CDHR3: variants seen among roughly 807,000 people sequenced by gnomAD.
CDHR3 encodes cadherin related family member 3, also known as cadherin-related family member 3.
A neutral mutation model predicts 86.6 loss-of-function variants in CDHR3; 79 were observed. The ratio of observed to expected loss-of-function variants is 0.91; its 90% confidence interval spans 0.76 to 1.10. The LOEUF is 1.10. Ranked by LOEUF, CDHR3 falls within the 50% of genes least tolerant of loss-of-function variation. The probability of loss-of-function intolerance (pLI) is 0.00; values close to 1 mark genes in which losing one functional copy is unlikely to be tolerated. For missense variants in CDHR3, 1,081 were observed against 1,077.6 expected (o/e 1.00, Z -0.04); for synonymous variants, 421 against 402.4 (o/e 1.05, Z -0.55).
At chr7:106,001,290 G>A (rs1010932953) in intron 6 of CDHR3, among the ~76,000 whole-genome samples, 172 bp from the exon 7 acceptor site, 3 of 152,166 alleles carry the variant, frequency 2.0e-5, no homozygotes, top group Non-Finnish European at 2.9e-5. Context: ...GGTCTTTGGG[G>A]ATACAAAAGC....
At chr7:105,966,694 A>C (rs1826986087) in intron 1 of CDHR3, among the ~76,000 whole-genome samples, 1 of 152,194 alleles carries the variant, frequency 6.6e-6, no homozygotes, top group Non-Finnish European at 1.5e-5. Context: ...TCAGAAGAAC[A>C]AAAGACAGTC....
rs1838749595 is a variant in CDHR3, at chr7:106,034,483, T to A, written c.*1786T>A. On this transcript the variant is annotated 3_prime_UTR_variant, in exon 19 of 19. Coordinates refer to ENST00000317716, the MANE Select transcript of CDHR3 (RefSeq NM_152750.5). The stretch of plus-strand genomic sequence containing the variant: ...CTGTGTGCCTAGTGCCAGTGTCACT[T>A]CTCAAGCAAAAGAAGCATTTGCAAA... Among the ~76,000 whole-genome samples the A allele has an allele frequency of 6.6e-6, 1 of 152,184 alleles. No homozygotes were observed. Among genetic ancestry groups the A allele is most frequent in the Non-Finnish European group, 1.5e-5 (1 of 68,016 alleles).
At chr7:105,976,982 C>CTTTTT (rs11334460) in intron 2 of CDHR3, among the ~76,000 whole-genome samples, 3 of 128,448 alleles carry the variant, frequency 2.3e-5, no homozygotes, top group Non-Finnish European at 1.6e-5. Flanking sequence ...TACCTGATCT[C>CTTTTT]TTTTTTTTTT....
Position 106,029,925 on chromosome 7 carries a change from A to G in CDHR3, c.2305-867A>G, listed in dbSNP as rs1838075750. 1.3e-5 allele frequency among the ~76,000 whole-genome samples: 2 copies of G among 152,218 alleles called. 1 individual carries two copies. The highest frequency in any genetic ancestry group is 4.1e-4 in the South Asian group (2 of 4,830). On this transcript the variant is annotated intron_variant, in intron 17 of 18. Coordinates refer to ENST00000317716, the MANE Select transcript of CDHR3 (RefSeq NM_152750.5). ...AATATTAAATTAGTCTATTAAATAAATACCTATGACCACAAACAGTGGGGC... is the reference window on the plus strand; with the variant it reads ...AATATTAAATTAGTCTATTAAATAAGTACCTATGACCACAAACAGTGGGGC...
chr7:106,035,564 T>C lies in CDHR3; in HGVS notation c.*2867T>C, dbSNP rs1346259968. On this transcript the variant is annotated 3_prime_UTR_variant, in exon 19 of 19. Transcript: ENST00000317716. Reference sequence around the variant, plus strand: ...GGATTTATTGAAAACCAAAGTACACTCCACAGTGTGGGAACGGGCCTGAGC... The same window carrying C: ...GGATTTATTGAAAACCAAAGTACACCCCACAGTGTGGGAACGGGCCTGAGC... Among the ~76,000 whole-genome samples, 3 of 152,074 alleles carry C rather than the reference T, an allele frequency of 2.0e-5. No individual in the cohort carries two copies. The highest frequency in any genetic ancestry group is 7.2e-5 in the African/African-American group (3 of 41,404).
chr7:105,965,749 A>T, intron 1 of CDHR3, among the ~76,000 whole-genome samples: 1 of 152,290 alleles, frequency 6.6e-6, no homozygotes, highest in East Asian at 1.9e-4. Flanking sequence ...CATCTGTTAT[A>T]TGGCCATTTC....
chr7:106,002,191 C>T (rs942329396), intron 7 of CDHR3, among the ~76,000 whole-genome samples: 4 of 152,118 alleles, frequency 2.6e-5, no homozygotes, highest in Non-Finnish European at 5.9e-5. Context: ...TATTTTCTTA[C>T]CCATTGTTAG....
At chr7:105,982,982 C>CA (rs57923583) in intron 3 of CDHR3, among the ~76,000 whole-genome samples, 38,552 of 130,298 alleles carry the variant, frequency 0.3, 5,818 homozygotes, top group Non-Finnish European at 0.35. Context: ...GACCCTATCT[C>CA]AAAAAAAAAA....
intron 2 of CDHR3, 61 bp downstream of exon 2, chr7:105,975,107 T>C: frequency 7.6e-7 from 1 of 1,311,568 alleles, no homozygotes; most frequent in Admixed American, 1.7e-5. Flanking sequence ...AAAATGAGGG[T>C]GGATGGGATG....
intron 2 of CDHR3, 34 bp downstream of exon 2, chr7:105,975,080 G>A: frequency 6.6e-7 from 1 of 1,508,264 alleles, no homozygotes; most frequent in Non-Finnish European, 9.2e-7. Flanking sequence ...AGTGTTGCCT[G>A]CAAAGAGGTG....
At chr7:105,963,498 A>G (rs140283606) in intron 1 of CDHR3, 134 bp downstream of exon 1, 4 of 909,742 alleles carry the variant, frequency 4.4e-6, no homozygotes, top group Non-Finnish European at 7.2e-6. Flanking sequence ...GCAGTAATGA[A>G]TGAGGTGATG....
chr7:105,972,890 AG>A (rs2115629309), intron 1 of CDHR3, among the ~76,000 whole-genome samples: 1 of 152,358 alleles, frequency 6.6e-6, no homozygotes, highest in East Asian at 1.9e-4. Context: ...AAACTAAATA[AG>A]ATGACTTTAG....
At chr7:106,011,326 T>C (rs1834768973) in intron 8 of CDHR3, among the ~76,000 whole-genome samples, 1 of 152,182 alleles carries the variant, frequency 6.6e-6, no homozygotes. Flanking sequence ...TTCACAAACA[T>C]GGCACAACGG....
chr7:106,015,018 A>G, intron 9 of CDHR3, 93 bp from the exon 10 acceptor site: 3 of 998,160 alleles, frequency 3.0e-6, no homozygotes, highest in East Asian at 2.7e-5. Flanking sequence ...TTGCCAATTT[A>G]TATATCCACT....
intron 2 of CDHR3, among the ~76,000 whole-genome samples, chr7:105,975,403 C>T (rs1436721002): frequency 6.6e-6 from 1 of 152,086 alleles, no homozygotes; most frequent in Non-Finnish European, 1.5e-5. Flanking sequence ...AAAGCCATGC[C>T]CTGATGTACT....
rs757338721 is a variant in CDHR3, at chr7:106,034,680, C to G, written c.*1983C>G. Among the ~76,000 whole-genome samples the G allele has an allele frequency of 1.3e-5, 2 of 152,146 alleles. No homozygotes were observed. Among genetic ancestry groups the G allele is most frequent in the African/African-American group, 4.8e-5 (2 of 41,426 alleles). ...TAAGGCATTGCAAATCTGTGGGGCC[C>G]GGAGTCAAATGCTTTCCTTGGAAGC... On this transcript the variant is annotated 3_prime_UTR_variant, in exon 19 of 19. Coordinates refer to ENST00000317716, the MANE Select transcript of CDHR3 (RefSeq NM_152750.5).
At chr7:105,977,221 C>G (rs1232142487) in intron 2 of CDHR3, among the ~76,000 whole-genome samples, 6 of 152,214 alleles carry the variant, frequency 3.9e-5, no homozygotes, top group Non-Finnish European at 8.8e-5. Flanking sequence ...TATCTGAGAT[C>G]ACATAGCCGT....
intron 6 of CDHR3, among the ~76,000 whole-genome samples, chr7:105,999,959 A>C (rs1832880708): frequency 1.3e-5 from 2 of 152,216 alleles, no homozygotes; most frequent in African/African-American, 2.4e-5. Context: ...TGACCAAAGC[A>C]AAAACATACT....
At chr7:105,987,751 G>C (rs1830730653) in intron 4 of CDHR3, among the ~76,000 whole-genome samples, 1 of 152,174 alleles carries the variant, frequency 6.6e-6, no homozygotes, top group African/African-American at 2.4e-5. Flanking sequence ...CTGCTGGTTT[G>C]CCACATCATC....
Sources: allele counts gnomAD v4.1 joint callset (sites outside exome capture counted in the v4.1 genomes callset), GRCh38; gene constraint gnomAD v4.1.1; transcripts MANE v1.5; gene names NCBI Gene and HGNC (gene_info 2026-07-23, HGNC 2026-07-21).